EPSTI1: variants seen among roughly 807,000 people sequenced by gnomAD.
The protein encoded by EPSTI1 is epithelial-stromal interaction protein 1.
Under a neutral mutation model 49.9 loss-of-function variants are expected in EPSTI1, and 66 were observed. That is an observed-to-expected ratio of 1.32 (90% CI 1.08 to 1.62). The LOEUF is 1.62. EPSTI1 is among the 40% of genes most tolerant of loss of function. The pLI is 0.00. For synonymous variants in EPSTI1, 137 were observed against 130.7 expected (o/e 1.05, Z -0.33); for missense variants, 394 against 365.5 (o/e 1.08, Z -0.64).
Position 42,991,974 on chromosome 13 carries a change from T to G in EPSTI1, c.188+4A>C. On this transcript the variant is annotated splice_donor_region_variant and intron_variant, in intron 1 of 10. Coordinates refer to ENST00000313624, the MANE Select transcript of EPSTI1 (RefSeq NM_033255.5). The stretch of plus-strand genomic sequence containing the variant: ...CCCCGAAGCCAGGTTGTTAAAATAC[T>G]CACCGCCTCTGGCCCGCGTGCACGA... 2 of 1,612,112 alleles carry G rather than the reference T, an allele frequency of 1.2e-6. No homozygotes were observed. Among genetic ancestry groups the G allele is most frequent in the South Asian group, 1.1e-5 (1 of 91,010 alleles).
chr13:42,963,938 G>A, intron 4 of EPSTI1, 128 bp downstream of exon 4: 1 of 704,606 alleles, frequency 1.4e-6, no homozygotes, highest in Non-Finnish European at 2.2e-6. Context: ...GATTCTGAAA[G>A]CTGCCTTTTG....
intron 9 of EPSTI1, among the ~76,000 whole-genome samples, chr13:42,899,353 CTTAAA>C (rs2037289277): frequency 6.6e-6 from 1 of 152,074 alleles, no homozygotes; most frequent in Admixed American, 6.6e-5. Context: ...TTGATATTTC[CTTAAA>C]TAAGAGAAAA....
chr13:42,948,425 G>T (rs34206725), intron 6 of EPSTI1, among the ~76,000 whole-genome samples: 38,873 of 127,730 alleles, frequency 0.3, 5,684 homozygotes, highest in East Asian at 0.46. Flanking sequence ...GTGGCTTGTT[G>T]TTTTTTTTTT....
rs575739305 is a variant in EPSTI1 at position 42,955,886 on chromosome 13, G to T, written c.490-1865C>A. Among the ~76,000 whole-genome samples the T allele has an allele frequency of 4.6e-3, 657 of 141,696 alleles. 15 individuals are homozygous for T. The highest frequency in any genetic ancestry group is 0.016 in the African/African-American group (614 of 38,516). The allele number at this position is 141,696 out of a possible 152,430, so 93.0% of individuals were successfully genotyped here. A position where few individuals can be genotyped will look rare whatever the true frequency, so the allele number is the denominator to read the frequency against. On this transcript the variant is annotated intron_variant, in intron 5 of 10. Transcript: ENST00000313624. ...TTGATGAAGAAGTATTTGGGGGGGG[G>T]GGGAAGTAGTAGTAGTAGTATTTCT...
chr13:42,919,275 A>G lies in EPSTI1; in HGVS notation c.658-1651T>C, dbSNP rs1159022788. The G allele has an allele frequency of 1.9e-6, 3 of 1,612,096 alleles. No homozygotes were observed. The African/African-American group carries it at 4.0e-5, about 22-fold the overall frequency. Reference sequence around the variant, plus strand: ...ATCCAAACTTATGAAAAGTTCAGTTACTTGCAATCCTAATGTTTGCTTACC... The same window carrying G: ...ATCCAAACTTATGAAAAGTTCAGTTGCTTGCAATCCTAATGTTTGCTTACC... On this transcript the variant is annotated intron_variant, in intron 7 of 10. Transcript: ENST00000313624.
intron 3 of EPSTI1, 74 bp from the exon 4 acceptor site, chr13:42,964,213 TA>T (rs2039542795): frequency 7.9e-6 from 9 of 1,135,000 alleles, no homozygotes; most frequent in Non-Finnish European, 1.1e-5. Context: ...GACTAATTAA[TA>T]TATAATAAAT....
chr13:42,971,748 T>C (rs540963038), intron 1 of EPSTI1, among the ~76,000 whole-genome samples: 22 of 152,288 alleles, frequency 1.4e-4, no homozygotes, highest in Admixed American at 2.6e-4. Context: ...TTTCCTTCCT[T>C]ATCTCATTAT....
At chr13:42,893,851 C>T (rs2037111140) in intron 10 of EPSTI1, among the ~76,000 whole-genome samples, 1 of 152,198 alleles carries the variant, frequency 6.6e-6, no homozygotes, top group African/African-American at 2.4e-5. Context: ...CTTCAACTCA[C>T]AATGGCCCAT....
intron 10 of EPSTI1, chr13:42,889,292 G>T: frequency 9.0e-7 from 1 of 1,108,604 alleles, no homozygotes; most frequent in Non-Finnish European, 1.3e-6. Flanking sequence ...AATTATTGAA[G>T]AATAAATGTA....
At chr13:42,990,625 T>C (rs567030310) in intron 1 of EPSTI1, among the ~76,000 whole-genome samples, 2 of 152,346 alleles carry the variant, frequency 1.3e-5, no homozygotes, top group South Asian at 4.1e-4. Context: ...CTAATTATTC[T>C]GAGGAGGAAA....
chr13:42,910,038 A>C lies in EPSTI1; in HGVS notation c.741+7503T>G, dbSNP rs555139098. Among the ~76,000 whole-genome samples the C allele has an allele frequency of 8.5e-5, 13 of 152,300 alleles. No individual in the cohort carries two copies. The East Asian group carries it at 1.7e-3, about 20-fold the overall frequency. On this transcript the variant is annotated intron_variant, in intron 8 of 10. Coordinates refer to ENST00000313624, the MANE Select transcript of EPSTI1 (RefSeq NM_033255.5). ...ATTTCACAATGTTTATATACTTCAAAATATCATATTGAACATTATAAACAC... is the reference window on the plus strand; with the variant it reads ...ATTTCACAATGTTTATATACTTCAACATATCATATTGAACATTATAAACAC...
intron 8 of EPSTI1, among the ~76,000 whole-genome samples, chr13:42,914,893 T>A (rs2037787739): frequency 6.6e-6 from 1 of 152,206 alleles, no homozygotes; most frequent in Non-Finnish European, 1.5e-5. Flanking sequence ...CAAATAAGTT[T>A]CTAGAAGAAG....
intron 6 of EPSTI1, among the ~76,000 whole-genome samples, chr13:42,953,409 C>T (rs1019673446): frequency 3.9e-5 from 6 of 152,148 alleles, no homozygotes; most frequent in Non-Finnish European, 7.3e-5. Flanking sequence ...AAGTAGATTA[C>T]GTTATAAAGC....
rs377642238 is a variant in EPSTI1, at chr13:42,923,248, G to A, written c.657+3088C>T. 2.0e-4 allele frequency among the ~76,000 whole-genome samples: 30 copies of A among 152,270 alleles called. No individual in the cohort carries two copies. In the East Asian group the frequency reaches 2.7e-3, roughly 14 times the overall value. ...CACCAGGATAAGATTTTTTCACATC[G>A]TTATTCTTCGTTGAGGAAGTAGGGG... is the stretch of plus-strand genomic sequence containing the variant. On this transcript the variant is annotated intron_variant, in intron 7 of 10. Coordinates refer to ENST00000313624, the MANE Select transcript of EPSTI1 (RefSeq NM_033255.5).
chr13:42,960,218 T>C lies in EPSTI1; in HGVS notation c.489+3037A>G, dbSNP rs191898989. 2.5e-3 allele frequency among the ~76,000 whole-genome samples: 375 copies of C among 152,176 alleles called. 2 individuals carry two copies. The highest frequency in any genetic ancestry group is 8.8e-3 in the African/African-American group (367 of 41,516). On this transcript the variant is annotated intron_variant, in intron 5 of 10. Transcript: ENST00000313624. ...GGCAGAATAAGATGAACCCAGGAAA[T>C]TGAGAGAGTCTTTAAAATGGAGTTA... is the stretch of plus-strand genomic sequence containing the variant.
At chr13:42,969,704 C>G (rs1380591544) in intron 2 of EPSTI1, 1 of 153,610 alleles carries the variant, frequency 6.5e-6, no homozygotes, top group Non-Finnish European at 1.4e-5. Context: ...GACCACTGTG[C>G]AGAGTCGGCT....
intron 1 of EPSTI1, among the ~76,000 whole-genome samples, chr13:42,988,514 C>A (rs2040124233): frequency 6.6e-6 from 1 of 152,286 alleles, no homozygotes; most frequent in South Asian, 2.1e-4. Flanking sequence ...AGGCAGATCA[C>A]AAGGTCAGGA....
At chr13:42,889,980 C>T (rs1040062615) in intron 10 of EPSTI1, among the ~76,000 whole-genome samples, 1 of 152,126 alleles carries the variant, frequency 6.6e-6, no homozygotes, top group Non-Finnish European at 1.5e-5. Context: ...ACTCAATTGT[C>T]CCCACAGCAT....
chr13:42,942,903 T>C (rs922429866), intron 6 of EPSTI1, among the ~76,000 whole-genome samples: 1 of 151,878 alleles, frequency 6.6e-6, no homozygotes, highest in Non-Finnish European at 1.5e-5. Flanking sequence ...TTAGCCAGGA[T>C]GGTCTCGATC....
Sources: allele counts gnomAD v4.1 joint callset (sites outside exome capture counted in the v4.1 genomes callset), GRCh38; gene constraint gnomAD v4.1.1; transcripts MANE v1.5; gene names NCBI Gene and HGNC (gene_info 2026-07-23, HGNC 2026-07-21).